The following CUX1 variants were observed in gnomAD, a reference collection of about 807,000 sequenced individuals.
CUX1 encodes the protein protein CASP.
In CUX1, 31 loss-of-function variants were observed where a neutral mutation model predicts 158.8. The ratio of observed to expected loss-of-function variants is 0.20; its 90% CI spans 0.15 to 0.26. CUX1 has a LOEUF of 0.26. Ranked by LOEUF, CUX1 falls within the 10% of genes least tolerant of loss-of-function variation. CUX1 has a pLI of 1.00. For synonymous variants in CUX1, 879 were observed against 862.1 expected, an observed-to-expected ratio of 1.02 and a Z score of -0.34; for missense variants, 1,589 against 2,014.6, an observed-to-expected ratio of 0.79 and a Z score of 4.04.
At chr7:102,164,269 C>T (rs1311260755) in intron 9 of CUX1, among the ~76,000 whole-genome samples, 4 of 152,246 alleles carry the variant, frequency 2.6e-5, no homozygotes, top group African/African-American at 9.6e-5. Context: ...GCTATCCTCT[C>T]GCCTTGGCCT....
intron 8 of CUX1, among the ~76,000 whole-genome samples, chr7:102,122,414 T>A (rs918723486): frequency 6.6e-6 from 1 of 152,054 alleles, no homozygotes; most frequent in Non-Finnish European, 1.5e-5. Context: ...CTGTGTCTTA[T>A]CTCCAAAAGG....
chr7:102,089,521 C>T (rs1479179840), intron 4 of CUX1, among the ~76,000 whole-genome samples: 4 of 152,186 alleles, frequency 2.6e-5, no homozygotes, highest in African/African-American at 9.7e-5. Flanking sequence ...GTTTAGCCCT[C>T]CACTCAGGTG....
At position 102,252,509 on chromosome 7, in the gene CUX1, C is replaced by G. The variant is rs956004853; in HGVS notation, c.*3467C>G. On this transcript the variant is annotated 3_prime_UTR_variant, in exon 24 of 24. Coordinates refer to ENST00000292535, the MANE Select transcript of CUX1 (RefSeq NM_181552.4). The stretch of plus-strand genomic sequence containing the variant: ...AGCTCCATTATGCCATTTTAAATGG[C>G]TTCTTTTTGTTAATTGGAGGCATTG... 1.0e-6 allele frequency: 1 copy of G among 985,468 alleles called. No homozygotes were observed. The highest frequency in any genetic ancestry group is 1.7e-5 in the African/African-American group (1 of 57,372). The allele number at this position is 985,468 out of a possible 1,614,324, so 61.0% of individuals were successfully genotyped here.
chr7:101,862,844 C>T (rs1049135191), intron 1 of CUX1, among the ~76,000 whole-genome samples: 3 of 151,812 alleles, frequency 2.0e-5, no homozygotes, highest in Non-Finnish European at 2.9e-5. Context: ...CTAAACTTAT[C>T]AGGAAAATGT....
chr7:102,251,808 A>T lies in CUX1; in HGVS notation c.*2766A>T, dbSNP rs982560328. On this transcript the variant is annotated 3_prime_UTR_variant, in exon 24 of 24. Coordinates refer to ENST00000292535, the MANE Select transcript of CUX1 (RefSeq NM_181552.4). ...GAATGAAAAGAAGTTAACAGGAAAT[A>T]GTAGGCTAGGGTTTAGTTTTAAAGG... is the stretch of plus-strand genomic sequence containing the variant. 1.0e-6 allele frequency: 1 copy of T among 985,300 alleles called. No individual in the cohort carries two copies. Among genetic ancestry groups the T allele is most frequent in the Non-Finnish European group, 1.2e-6 (1 of 829,924 alleles). 61.0% of individuals were successfully genotyped at this position (985,300 alleles called of 1,614,324 possible).
chr7:102,014,316 C>T (rs1200213090), intron 2 of CUX1, among the ~76,000 whole-genome samples: 2 of 152,194 alleles, frequency 1.3e-5, no homozygotes, highest in Non-Finnish European at 2.9e-5. Context: ...CACCATTTCC[C>T]ACCCAGAATT....
chr7:102,120,313 G>C (rs1433300418), intron 8 of CUX1, among the ~76,000 whole-genome samples: 6 of 152,202 alleles, frequency 3.9e-5, no homozygotes, highest in African/African-American at 1.4e-4. Flanking sequence ...AATACACACA[G>C]TCAGCTTCTT....
At chr7:102,217,513 A>G (rs1459853193) in intron 20 of CUX1, among the ~76,000 whole-genome samples, 1 of 152,226 alleles carries the variant, frequency 6.6e-6, no homozygotes. Context: ...GTACCTTCCC[A>G]TGTCGGGGAG....
At position 102,253,750 on chromosome 7, in the gene CUX1, C is replaced by T. The variant is rs782267749; in HGVS notation, c.*4708C>T. On this transcript the variant is annotated 3_prime_UTR_variant, in exon 24 of 24. Coordinates refer to ENST00000292535, the MANE Select transcript of CUX1 (RefSeq NM_181552.4). The stretch of plus-strand genomic sequence containing the variant: ...ACAAAAGCCCATAGACCTTACTCAT[C>T]CCAAGGCCGACAAGCCAGCTGTACA... The T allele has an allele frequency of 3.1e-5, 31 of 985,354 alleles. No individual in the cohort carries two copies. In the African/African-American group the frequency reaches 4.0e-4, roughly 13 times the overall value. The allele number at this position is 985,354 out of a possible 1,614,324, so 61.0% of individuals were successfully genotyped here. A position where few individuals can be genotyped will look rare whatever the true frequency, so the allele number is the denominator to read the frequency against.
intron 8 of CUX1, among the ~76,000 whole-genome samples, chr7:102,116,030 A>G (rs1554491703): frequency 6.6e-6 from 1 of 152,140 alleles, no homozygotes; most frequent in African/African-American, 2.4e-5. Context: ...GCTTACTGCC[A>G]TGTCTCTTGG....
At chr7:101,969,471 C>T (rs1305266535) in intron 2 of CUX1, among the ~76,000 whole-genome samples, 3 of 150,798 alleles carry the variant, frequency 2.0e-5, no homozygotes, top group Non-Finnish European at 4.4e-5. Flanking sequence ...CAAAAGTGAC[C>T]AAATCATACA....
intron 1 of CUX1, among the ~76,000 whole-genome samples, chr7:101,903,632 C>G (rs548728157): frequency 6.6e-6 from 1 of 152,298 alleles, no homozygotes; most frequent in South Asian, 2.1e-4. Context: ...TTATCCTCCC[C>G]TCTCCCTGCC....
chr7:102,277,399 C>G (rs1791686766), intron 17 of CUX1, among the ~76,000 whole-genome samples: 1 of 151,916 alleles, frequency 6.6e-6, no homozygotes, highest in Admixed American at 6.6e-5. Flanking sequence ...AGTTCGAGAC[C>G]AGCCTGAACA....
At chr7:102,241,031 G>C (rs1272478707) in intron 23 of CUX1, among the ~76,000 whole-genome samples, 1 of 152,148 alleles carries the variant, frequency 6.6e-6, no homozygotes, top group Non-Finnish European at 1.5e-5. Flanking sequence ...TATTGGCCAG[G>C]CTGGTCTCGA....
chr7:102,004,973 G>A (rs1390503901), intron 2 of CUX1, among the ~76,000 whole-genome samples: 1 of 152,212 alleles, frequency 6.6e-6, no homozygotes, highest in Non-Finnish European at 1.5e-5. Context: ...TAGCTCATGG[G>A]CCATAAAAAT....
intron 17 of CUX1, 94 bp downstream of exon 17, chr7:102,200,266 T>TC: frequency 1.0e-6 from 1 of 976,056 alleles, no homozygotes; most frequent in Non-Finnish European, 1.5e-6. Flanking sequence ...ATTTTTTTTT[T>TC]AAACAATAAT....
At chr7:101,829,570 G>A (rs1000597515) in intron 1 of CUX1, among the ~76,000 whole-genome samples, 4 of 151,870 alleles carry the variant, frequency 2.6e-5, no homozygotes, top group East Asian at 1.9e-4. Flanking sequence ...ACCCTCAGCC[G>A]AAGCAGTGGG....
At chr7:101,860,015 CCT>C (rs1162733059) in intron 1 of CUX1, among the ~76,000 whole-genome samples, 4 of 138,226 alleles carry the variant, frequency 2.9e-5, no homozygotes, top group Admixed American at 1.4e-4. Context: ...TTCCTTCCTT[CCT>C]CTCTCTTTCT....
intron 22 of CUX1, among the ~76,000 whole-genome samples, chr7:102,238,717 C>T (rs1280919723): frequency 2.0e-5 from 3 of 152,066 alleles, no homozygotes; most frequent in African/African-American, 7.2e-5. Flanking sequence ...TTACCCCCAC[C>T]CCACTTTTCA....
Sources: allele counts gnomAD v4.1 joint callset (sites outside exome capture counted in the v4.1 genomes callset), GRCh38; gene constraint gnomAD v4.1.1; transcripts MANE v1.5; gene names NCBI Gene and HGNC (gene_info 2026-07-23, HGNC 2026-07-21).